The following HDAC9 variants were observed in gnomAD, a reference collection of about 807,000 sequenced individuals.
HDAC9 encodes the protein MEF-2 interacting transcription repressor (MITR) protein.
A neutral mutation model predicts 139.4 loss-of-function variants in HDAC9; 41 were observed. The ratio of observed to expected loss-of-function variants is 0.29; its 90% CI spans 0.23 to 0.38. The LOEUF is 0.38. HDAC9 is among the 10% of genes least tolerant of loss of function. The pLI is 1.00. For synonymous variants in HDAC9, 517 were observed against 476.2 expected (o/e 1.09, Z -1.12); for missense variants, 1,147 against 1,297.0 (o/e 0.88, Z 1.78).
intron 25 of HDAC9, among the ~76,000 whole-genome samples, chr7:18,977,915 GACAGACACAC>G (rs765523404): frequency 9.7e-6 from 1 of 103,120 alleles, no homozygotes; most frequent in Non-Finnish European, 2.0e-5. Flanking sequence ...GAGACAGACA[GACAGACACAC>G]ACACACACAC....
chr7:18,902,598 G>A (rs1212509925), intron 22 of HDAC9, among the ~76,000 whole-genome samples: 3 of 152,152 alleles, frequency 2.0e-5, no homozygotes, highest in Non-Finnish European at 2.9e-5. Flanking sequence ...AGAATTGCCT[G>A]TGAGCAACTG....
intron 8 of HDAC9, among the ~76,000 whole-genome samples, chr7:18,639,453 T>G (rs758096321): frequency 2.7e-5 from 4 of 147,564 alleles, no homozygotes; most frequent in Non-Finnish European, 5.9e-5. Flanking sequence ...AAATGATCTT[T>G]CTTTTTTTGT....
intron 15 of HDAC9, 79 bp from the exon 16 acceptor site, chr7:18,767,025 TTA>T: frequency 1.6e-6 from 1 of 607,018 alleles, no homozygotes; most frequent in East Asian, 3.2e-5. Flanking sequence ...TGACATATTA[TTA>T]TGTGTTAATA....
At chr7:18,912,342 T>A (rs928746530) in intron 22 of HDAC9, among the ~76,000 whole-genome samples, 2 of 152,076 alleles carry the variant, frequency 1.3e-5, no homozygotes. Flanking sequence ...TTTATCAGAA[T>A]AAAATGAGAT....
rs77377040 is a variant in HDAC9 at position 18,185,754 on chromosome 7, A to G, written c.25+23405A>G. Among the ~76,000 whole-genome samples, 1,014 of 152,348 alleles carry G rather than the reference A, an allele frequency of 6.7e-3. 9 individuals carry two copies. The highest frequency in any genetic ancestry group is 0.023 in the African/African-American group (947 of 41,580). On this transcript the variant is annotated intron_variant, in intron 2 of 12. Transcript: ENST00000417496. ...GAATTGAAACTGTACATTAATTTCC[A>G]AATGAATAATTTAAAATCAATGGAG... is the stretch of plus-strand genomic sequence containing the variant.
intron 1 of HDAC9, among the ~76,000 whole-genome samples, chr7:18,347,515 A>G (rs982815609): frequency 6.6e-6 from 1 of 152,196 alleles, no homozygotes; most frequent in South Asian, 2.1e-4. Flanking sequence ...TCCCATGTAA[A>G]TTGTGTTTAT....
chr7:18,749,888 C>G (rs147377154), intron 14 of HDAC9, among the ~76,000 whole-genome samples: 2 of 152,146 alleles, frequency 1.3e-5, no homozygotes, highest in East Asian at 3.9e-4. Context: ...AAGAAAAATG[C>G]CCTTCATGGG....
intron 17 of HDAC9, among the ~76,000 whole-genome samples, chr7:18,824,873 T>C (rs1477010520): frequency 6.6e-6 from 1 of 152,216 alleles, no homozygotes; most frequent in African/African-American, 2.4e-5. Flanking sequence ...GCATATTCAA[T>C]GAATGCATTC....
chr7:18,716,688 A>G (rs976201572), intron 12 of HDAC9, among the ~76,000 whole-genome samples: 1 of 152,208 alleles, frequency 6.6e-6, no homozygotes, highest in Admixed American at 6.5e-5. Flanking sequence ...CAATTGAGAA[A>G]CAGTGTTGTT....
At chr7:18,099,063 A>T (rs1782687301) in intron 1 of HDAC9, among the ~76,000 whole-genome samples, 1 of 152,190 alleles carries the variant, frequency 6.6e-6, no homozygotes, top group African/African-American at 2.4e-5. Flanking sequence ...GATATATTTT[A>T]AAATCTCCTA....
chr7:18,235,965 T>C (rs61004165), intron 2 of HDAC9, among the ~76,000 whole-genome samples: 5,401 of 152,300 alleles, frequency 0.035, 334 homozygotes, highest in African/African-American at 0.12. Flanking sequence ...GTAGAGGTGC[T>C]TCTACAACTG....
chr7:18,390,119 G>A (rs548252526), intron 1 of HDAC9, among the ~76,000 whole-genome samples: 15 of 150,392 alleles, frequency 1.0e-4, no homozygotes, highest in East Asian at 8.0e-4. Context: ...GAAGTAATGG[G>A]GGATGAGGCA....
At chr7:18,263,515 C>T (rs1795807793) in intron 2 of HDAC9, among the ~76,000 whole-genome samples, 1 of 152,152 alleles carries the variant, frequency 6.6e-6, no homozygotes, top group South Asian at 2.1e-4. Context: ...TGCCTGAGCT[C>T]ATATGCCTTA....
At chr7:18,092,588 C>T (rs985332353) in intron 1 of HDAC9, among the ~76,000 whole-genome samples, 2 of 151,998 alleles carry the variant, frequency 1.3e-5, no homozygotes, top group African/African-American at 2.4e-5. Flanking sequence ...GGATTCTCCA[C>T]ATATAATAAT....
chr7:18,745,206 A>G (rs75761437), intron 13 of HDAC9, among the ~76,000 whole-genome samples: 11,026 of 152,278 alleles, frequency 0.072, 596 homozygotes, highest in East Asian at 0.23. Flanking sequence ...GGATGAGGTT[A>G]AAGTTTCATT....
chr7:18,673,790 T>C (rs757671645), intron 12 of HDAC9, among the ~76,000 whole-genome samples: 1 of 152,056 alleles, frequency 6.6e-6, no homozygotes, highest in East Asian at 1.9e-4. Context: ...TATCTTTCTG[T>C]TGCTCTTAAT....
chr7:18,566,668 G>A lies in HDAC9; in HGVS notation c.23-18613G>A, dbSNP rs543779560. Among the ~76,000 whole-genome samples, 5 of 152,304 alleles carry A rather than the reference G, an allele frequency of 3.3e-5. No individual in the cohort carries two copies. The East Asian group carries it at 7.7e-4, about 24-fold the overall frequency. ...ACTAATCAAGACTAGAACTGGAGAC[G>A]CAGTGTTCTTTCTGCCAAATTCTGT... On this transcript the variant is annotated intron_variant, in intron 2 of 25. Transcript: ENST00000686413.
intron 2 of HDAC9, among the ~76,000 whole-genome samples, chr7:18,281,237 A>T (rs1797085218): frequency 6.6e-6 from 1 of 152,244 alleles, no homozygotes; most frequent in Non-Finnish European, 1.5e-5. Context: ...GGAGGATGAT[A>T]AACTTTCTAT....
chr7:18,468,513 T>G (rs1400227902), intron 1 of HDAC9, among the ~76,000 whole-genome samples: 2 of 152,104 alleles, frequency 1.3e-5, no homozygotes, highest in African/African-American at 2.4e-5. Flanking sequence ...AGTGTGATCA[T>G]AGTGTAATAC....
Sources: allele counts gnomAD v4.1 joint callset (sites outside exome capture counted in the v4.1 genomes callset), GRCh38; gene constraint gnomAD v4.1.1; transcripts MANE v1.5; gene names NCBI Gene and HGNC (gene_info 2026-07-23, HGNC 2026-07-21).